Variants in GRAMD1C observed in about 807,000 individuals in gnomAD.
GRAMD1C encodes the protein protein Aster-C.
In GRAMD1C, 89 loss-of-function variants were observed where a neutral mutation model predicts 97.8. The ratio of observed to expected loss-of-function variants is 0.91; its 90% CI spans 0.77 to 1.09. GRAMD1C has a LOEUF of 1.09. Ranked by LOEUF, GRAMD1C falls within the 50% of genes least tolerant of loss-of-function variation. GRAMD1C has a pLI of 0.00. For missense variants in GRAMD1C, 740 were observed against 766.4 expected (o/e 0.97, Z 0.41); for synonymous variants, 256 against 267.0 (o/e 0.96, Z 0.40).
At chr3:113,834,332 A>C (rs1275497179), upstream of GRAMD1C, among the ~76,000 whole-genome samples, 3 of 152,030 alleles carry the variant, frequency 2.0e-5, no homozygotes, top group Non-Finnish European at 4.4e-5. Context: ...GGCGCCTGCC[A>C]CCACGCCTGG....
intron 6 of GRAMD1C, among the ~76,000 whole-genome samples, chr3:113,889,377 T>G (rs748393624): frequency 7.9e-5 from 12 of 152,140 alleles, no homozygotes; most frequent in Non-Finnish European, 1.2e-4. Flanking sequence ...AATAGGCAAG[T>G]TCATAGAAAC....
intron 2 of GRAMD1C, among the ~76,000 whole-genome samples, chr3:113,854,314 A>G (rs1359408911): frequency 2.6e-5 from 4 of 152,128 alleles, no homozygotes; most frequent in African/African-American, 9.7e-5. Context: ...ACTGGATCAG[A>G]TCACTTAGGG....
intron 1 of GRAMD1C, among the ~76,000 whole-genome samples, chr3:113,833,646 G>A (rs751688434): frequency 1.3e-5 from 2 of 152,144 alleles, no homozygotes; most frequent in Non-Finnish European, 2.9e-5. Flanking sequence ...CTGATACTAC[G>A]AATCAGTACC....
intron 8 of GRAMD1C, among the ~76,000 whole-genome samples, chr3:113,906,296 A>T (rs915823637): frequency 1.3e-5 from 2 of 152,218 alleles, no homozygotes; most frequent in Non-Finnish European, 2.9e-5. Flanking sequence ...TATTGTTATC[A>T]TAGGAGATGA....
intron 6 of GRAMD1C, among the ~76,000 whole-genome samples, chr3:113,894,446 T>G (rs975736109): frequency 4.6e-5 from 7 of 152,088 alleles, no homozygotes; most frequent in Admixed American, 3.3e-4. Context: ...ACCCAGCTAA[T>G]TTTTGTATTT....
At chr3:113,909,471 G>C (rs775157834) in intron 9 of GRAMD1C, among the ~76,000 whole-genome samples, 4 of 152,122 alleles carry the variant, frequency 2.6e-5, no homozygotes, top group Non-Finnish European at 5.9e-5. Flanking sequence ...TCATTTTCCT[G>C]GTAGGGAAAA....
chr3:113,838,953 G>A lies in GRAMD1C; in HGVS notation c.27+17G>A. 8.1e-7 allele frequency: 1 copy of A among 1,239,344 alleles called. No homozygotes were observed. The highest frequency in any genetic ancestry group is 1.0e-6 in the Non-Finnish European group (1 of 988,778). The allele number at this position is 1,239,344 out of a possible 1,614,324, so 76.8% of individuals were successfully genotyped here. On this transcript the variant is annotated intron_variant, in intron 1 of 17. Coordinates refer to ENST00000358160, the MANE Select transcript of GRAMD1C (RefSeq NM_017577.5). ...GTCCGTCAGGTAAGCCGCGGGCCTC[G>A]CTGGGGCAGGTTCCCATCTGTGGCT...
Position 113,930,728 on chromosome 3 carries a change from C to T in GRAMD1C, c.1105C>T (p.Pro369Ser). The change falls in exon 11 of 18, where the codon CCT (proline) becomes TCT (serine). Residue 369 changes from proline (P) to serine (S), a missense_variant. Physicochemically the swap from Pro to Ser is moderately conservative, Grantham distance 74. Coordinates refer to ENST00000358160, the MANE Select transcript of GRAMD1C (RefSeq NM_017577.5). ...SRNIIDVVST[P>S]WTAELGGDQL... ...GTTGTTGTTAGATGTAGTATCTACC[C>T]CTTGGACTGCAGAACTTGGAGGTGA... 6.3e-7 allele frequency: 1 copy of T among 1,585,154 alleles called. No individual in the cohort carries two copies. The highest frequency in any genetic ancestry group is 8.7e-7 in the Non-Finnish European group (1 of 1,153,590).
intron 6 of GRAMD1C, among the ~76,000 whole-genome samples, chr3:113,895,032 G>A (rs1207743887): frequency 6.6e-6 from 1 of 152,186 alleles, no homozygotes; most frequent in Non-Finnish European, 1.5e-5. Context: ...AGAGGACTTG[G>A]TCAGACGTAG....
Position 113,909,012 on chromosome 3 carries a change from C to G in GRAMD1C, c.844C>G (p.Pro282Ala). ...GAAACAGACCAAAAAGAGTCTCTTA[C>G]CAACTTTGGAAAAGAAGTTAACTAG... ...NEKQTKKSLLPTLEKKLTRVP... is the reference protein window; with the variant it reads ...NEKQTKKSLLATLEKKLTRVP... Residue 282 changes from proline (P) to alanine (A), a missense_variant, in exon 9 of 18, where the codon CCA becomes GCA. Coordinates refer to ENST00000358160, the MANE Select transcript of GRAMD1C (RefSeq NM_017577.5). 1 of 1,578,596 alleles carries G rather than the reference C, an allele frequency of 6.3e-7. No individual in the cohort carries two copies. Among genetic ancestry groups the G allele is most frequent in the South Asian group, 1.2e-5 (1 of 84,994 alleles).
chr3:113,925,156 C>T (rs1298868041), intron 10 of GRAMD1C, among the ~76,000 whole-genome samples: 3 of 152,116 alleles, frequency 2.0e-5, no homozygotes, highest in Non-Finnish European at 4.4e-5. Context: ...TTACATTGAG[C>T]CTATGGATGC....
intron 1 of GRAMD1C, among the ~76,000 whole-genome samples, chr3:113,831,410 T>C (rs1709554851): frequency 1.9e-5 from 2 of 107,248 alleles, no homozygotes; most frequent in Non-Finnish European, 3.8e-5. Flanking sequence ...GCACTGTATA[T>C]TGTTTTGCAC....
intron 2 of GRAMD1C, among the ~76,000 whole-genome samples, chr3:113,848,809 A>G (rs1438433033): frequency 6.6e-6 from 1 of 152,232 alleles, no homozygotes; most frequent in Non-Finnish European, 1.5e-5. Flanking sequence ...CTGTCTCAAT[A>G]AAATAAGATA....
intron 6 of GRAMD1C, chr3:113,885,590 A>G: frequency 6.5e-7 from 1 of 1,537,550 alleles, no homozygotes; most frequent in Non-Finnish European, 9.0e-7. Context: ...TCAAGGTGGT[A>G]ATAGACAAAC....
At chr3:113,858,144 T>G (rs934168332) in intron 2 of GRAMD1C, among the ~76,000 whole-genome samples, 7 of 152,198 alleles carry the variant, frequency 4.6e-5, no homozygotes, top group African/African-American at 7.2e-5. Context: ...AAATTTTTAA[T>G]TGTGAACTTA....
At position 113,946,270 on chromosome 3, in the gene GRAMD1C, C is replaced by T. The variant is rs540628421; in HGVS notation, c.*792C>T. The T allele has an allele frequency of 2.0e-5, 3 of 152,704 alleles. No individual in the cohort carries two copies. The South Asian group carries it at 6.2e-4, about 32-fold the overall frequency. The allele number at this position is 152,704 out of a possible 1,614,324, so 9.5% of individuals were successfully genotyped here. On this transcript the variant is annotated 3_prime_UTR_variant, in exon 18 of 18. Transcript: ENST00000358160. ...ATACTTGAACTAAGATTGGCTTCAG[C>T]TTAGCAGTCTTTCATGGTGGAAGTG... is the stretch of plus-strand genomic sequence containing the variant.
Position 113,934,351 on chromosome 3 carries a change from A to G in GRAMD1C, c.1353-81A>G, listed in dbSNP as rs1937537000. The G allele has an allele frequency of 4.2e-6, 3 of 712,618 alleles. No homozygotes were observed. In the South Asian group the frequency reaches 5.3e-5, roughly 13 times the overall value. 44.1% of individuals were successfully genotyped at this position (712,618 alleles called of 1,614,324 possible). ...GAATCTTTTTGACTTTCCACTGAAT[A>G]CAATCTTACATTTAACTGTAACATG... On this transcript the variant is annotated intron_variant, in intron 12 of 17. Coordinates refer to ENST00000358160, the MANE Select transcript of GRAMD1C (RefSeq NM_017577.5).
At chr3:113,830,368 C>T (rs1299650188) in intron 1 of GRAMD1C, among the ~76,000 whole-genome samples, 4 of 151,268 alleles carry the variant, frequency 2.6e-5, no homozygotes, top group African/African-American at 4.9e-5. Context: ...CCTGTGCAAG[C>T]TTTTTAGCTT....
chr3:113,881,032 A>G (rs1381796701), intron 5 of GRAMD1C, among the ~76,000 whole-genome samples: 1 of 152,214 alleles, frequency 6.6e-6, no homozygotes, highest in East Asian at 1.9e-4. Context: ...TAGCAATTTT[A>G]GTTGTTTTGG....
Sources: allele counts gnomAD v4.1 joint callset (sites outside exome capture counted in the v4.1 genomes callset), GRCh38; gene constraint gnomAD v4.1.1; transcripts MANE v1.5; gene names NCBI Gene and HGNC (gene_info 2026-07-23, HGNC 2026-07-21).